Variants in ADGRL3 observed in about 807,000 individuals in gnomAD.
The protein encoded by ADGRL3 is adhesion G protein-coupled receptor L3.
Under a neutral mutation model 153.5 loss-of-function variants are expected in ADGRL3, and 62 were observed. The ratio of observed to expected loss-of-function variants is 0.40; its 90% CI spans 0.33 to 0.50. The LOEUF is 0.50. Among genes scored for constraint, ADGRL3 ranks in the 20% least tolerant of loss-of-function variants. ADGRL3 has a pLI of 0.47. For missense variants in ADGRL3, 1,641 were observed against 1,859.4 expected, an observed-to-expected ratio of 0.88 and a Z score of 2.16; for synonymous variants, 710 against 672.5, an observed-to-expected ratio of 1.06 and a Z score of -0.86.
At chr4:62,038,998 GATAA>G (rs530242314) in intron 24 of ADGRL3, among the ~76,000 whole-genome samples, 271 of 152,118 alleles carry the variant, frequency 1.8e-3, no homozygotes, top group African/African-American at 6.3e-3. Flanking sequence ...AGTTTAAATT[GATAA>G]ATAAACTTAT....
chr4:62,000,650 T>C (rs1048347069), intron 21 of ADGRL3, among the ~76,000 whole-genome samples: 1 of 152,176 alleles, frequency 6.6e-6, no homozygotes, highest in Non-Finnish European at 1.5e-5. Flanking sequence ...GACATATACC[T>C]GACCATTAAA....
intron 2 of ADGRL3, among the ~76,000 whole-genome samples, chr4:61,432,569 TCTTC>T (rs1247954895): frequency 0.13 from 2,883 of 22,406 alleles, 555 homozygotes; most frequent in South Asian, 0.26. Context: ...CTTTTCTTTC[TCTTC>T]CTTTCTTTCT....
At chr4:61,532,144 A>G (rs1424408530) in intron 4 of ADGRL3, among the ~76,000 whole-genome samples, 1 of 152,208 alleles carries the variant, frequency 6.6e-6, no homozygotes, top group Non-Finnish European at 1.5e-5. Context: ...AATTTATACA[A>G]AGGTCACCAG....
chr4:61,464,767 T>A (rs993099231), intron 2 of ADGRL3, among the ~76,000 whole-genome samples: 34 of 152,184 alleles, frequency 2.2e-4, no homozygotes, highest in African/African-American at 7.7e-4. Flanking sequence ...ATGCAAAGTA[T>A]TTGTTAATTA....
intron 6 of ADGRL3, among the ~76,000 whole-genome samples, chr4:61,694,979 T>C (rs553536261): frequency 6.6e-6 from 1 of 152,318 alleles, no homozygotes; most frequent in South Asian, 2.1e-4. Flanking sequence ...ATTGCAGCAA[T>C]TCAGTCACAT....
chr4:61,906,544 G>A (rs963006042), intron 11 of ADGRL3: 2 of 151,846 alleles, frequency 1.3e-5, no homozygotes, highest in Non-Finnish European at 2.9e-5. Flanking sequence ...TATATCTGTG[G>A]GATTATTTCT....
intron 5 of ADGRL3, among the ~76,000 whole-genome samples, chr4:61,606,752 G>A (rs569881702): frequency 1.3e-5 from 2 of 152,198 alleles, no homozygotes; most frequent in South Asian, 4.1e-4. Context: ...TTTTAAGTGA[G>A]GAAGCAAAAT....
rs554675182 is a variant in ADGRL3 at position 62,074,111 on chromosome 4, C to G, written c.*3203C>G. On this transcript the variant is annotated 3_prime_UTR_variant, in exon 27 of 27. Coordinates refer to ENST00000683033, the MANE Select transcript of ADGRL3 (RefSeq NM_001387552.1). ...TTTTAATTGTTCTTTTTTCTACCAC[C>G]TTTTGTGACTCAATTTTTTAAGATC... The G allele has an allele frequency of 6.6e-6, 1 of 151,512 alleles. No homozygotes were observed. The highest frequency in any genetic ancestry group is 1.5e-5 in the Non-Finnish European group (1 of 67,834). The allele number at this position is 151,512 out of a possible 1,614,324, so 9.4% of individuals were successfully genotyped here. A position where few individuals can be genotyped will look rare whatever the true frequency, so the allele number is the denominator to read the frequency against.
At chr4:61,632,225 A>T (rs182628237) in intron 5 of ADGRL3, among the ~76,000 whole-genome samples, 2 of 152,296 alleles carry the variant, frequency 1.3e-5, no homozygotes, top group East Asian at 3.9e-4. Flanking sequence ...ACCTAAAAAA[A>T]CATTTATTTT....
intron 1 of ADGRL3, among the ~76,000 whole-genome samples, chr4:61,333,532 C>T (rs1032891467): frequency 4.6e-5 from 7 of 152,022 alleles, no homozygotes; most frequent in Admixed American, 2.0e-4. Flanking sequence ...AGTTTTATGG[C>T]ATTTCTTAAT....
chr4:61,995,309 A>G (rs772647709), intron 19 of ADGRL3, among the ~76,000 whole-genome samples: 1 of 151,882 alleles, frequency 6.6e-6, no homozygotes, highest in Admixed American at 6.6e-5. Context: ...GTATTTATTC[A>G]TTACTTTTTT....
intron 1 of ADGRL3, among the ~76,000 whole-genome samples, chr4:61,231,961 G>A (rs547345178): frequency 6.6e-6 from 1 of 151,792 alleles, no homozygotes; most frequent in South Asian, 2.1e-4. Flanking sequence ...AAACAAAGGA[G>A]GCAGTGTGTG....
intron 4 of ADGRL3, among the ~76,000 whole-genome samples, chr4:61,578,811 C>T (rs2098908360): frequency 6.6e-6 from 1 of 152,086 alleles, no homozygotes; most frequent in Admixed American, 6.6e-5. Flanking sequence ...GAAATTCTTA[C>T]TTTTTATCTG....
Position 61,892,887 on chromosome 4 carries a change from C to A in ADGRL3, c.1712C>A (p.Ala571Asp). Residue 571 changes from alanine to aspartate, a missense_variant, in exon 10 of 27, where the codon GCC (alanine) becomes GAC (aspartate). By Grantham distance (126) the Ala-to-Asp change is moderately radical (BLOSUM62 -2). Transcript: ENST00000683033. ...GAAGAGAGCTGTGAGGCTGTGGAAG[C>A]CCGAGAAATCATGTGGTTTAAGACT... ...ALEESCEAVE[A>D]REIMWFKTRQ... The A allele has an allele frequency of 6.3e-7, 1 of 1,591,048 alleles. No individual in the cohort carries two copies.
At chr4:61,874,922 C>T (rs1014660267) in intron 9 of ADGRL3, among the ~76,000 whole-genome samples, 8 of 149,426 alleles carry the variant, frequency 5.4e-5, no homozygotes, top group Non-Finnish European at 1.2e-4. Context: ...CATTCTCCTG[C>T]CTCAGCCTCC....
rs183699137 is a variant in ADGRL3, at chr4:61,904,403, G to C, written c.1888-5157G>C. Among the ~76,000 whole-genome samples the C allele has an allele frequency of 5.9e-5, 9 of 152,044 alleles. No individual in the cohort carries two copies. The East Asian group carries it at 1.5e-3, about 26-fold the overall frequency. ...AGATCAAGTGATCTGCCCACTTCAG[G>C]CTCCCAAAGTGTTAGGATAACAGGT... On this transcript the variant is annotated intron_variant, in intron 11 of 26. Transcript: ENST00000683033.
chr4:61,615,064 G>A (rs186024318), intron 5 of ADGRL3, among the ~76,000 whole-genome samples: 13 of 152,172 alleles, frequency 8.5e-5, no homozygotes, highest in Admixed American at 4.6e-4. Flanking sequence ...AATATAGAAA[G>A]ACTTTTAAAA....
At chr4:61,808,059 T>C (rs964693659) in intron 8 of ADGRL3, among the ~76,000 whole-genome samples, 1 of 152,152 alleles carries the variant, frequency 6.6e-6, no homozygotes, top group Admixed American at 6.6e-5. Flanking sequence ...GACTATGACA[T>C]GCTCTTCCCT....
intron 3 of ADGRL3, among the ~76,000 whole-genome samples, chr4:61,515,378 G>T (rs2098486826): frequency 6.6e-6 from 1 of 152,038 alleles, no homozygotes. Context: ...AAACCCAAAT[G>T]AAGTAACCTT....
Sources: gnomAD v4.1 joint callset for allele counts (sites outside exome capture counted in the v4.1 genomes callset) on GRCh38, gnomAD v4.1.1 for gene constraint, MANE v1.5 for transcripts, NCBI Gene and HGNC (gene_info 2026-07-23, HGNC 2026-07-21) for gene names.